Variants in SLC9C2 observed in about 807,000 individuals in gnomAD.
The protein encoded by SLC9C2 is solute carrier family 9 member C2 (putative), also known as sodium/hydrogen exchanger 11.
In SLC9C2, 75 loss-of-function variants were observed where a neutral mutation model predicts 140.2. The ratio of observed to expected loss-of-function variants is 0.53; its 90% CI spans 0.44 to 0.65. The LOEUF is 0.65. Among genes scored for constraint, SLC9C2 ranks in the 30% least tolerant of loss-of-function variants. The pLI, the probability that SLC9C2 is intolerant of heterozygous loss-of-function variation, is 0.00. For missense variants in SLC9C2, 1,074 were observed against 1,331.8 expected (o/e 0.81, Z 3.01); for synonymous variants, 375 against 420.9 (o/e 0.89, Z 1.34).
chr1:173,573,866 T>G (rs1664993953), intron 8 of SLC9C2, among the ~76,000 whole-genome samples: 1 of 152,244 alleles, frequency 6.6e-6, no homozygotes, highest in Non-Finnish European at 1.5e-5. Flanking sequence ...TAATCCCATG[T>G]TGTCCATGAA....
intron 23 of SLC9C2, among the ~76,000 whole-genome samples, chr1:173,511,945 G>C (rs192955977): frequency 6.6e-6 from 1 of 152,038 alleles, no homozygotes; most frequent in Non-Finnish European, 1.5e-5. Flanking sequence ...CAGGTTTGTC[G>C]AAGATGAGGT....
chr1:173,600,023 G>A, intron 3 of SLC9C2, 94 bp downstream of exon 3: 1 of 780,754 alleles, frequency 1.3e-6, no homozygotes, highest in Non-Finnish European at 2.0e-6. Context: ...GTTCCCATAA[G>A]AAAAAACATT....
chr1:173,567,956 T>G (rs538165220), intron 9 of SLC9C2, among the ~76,000 whole-genome samples: 6 of 152,110 alleles, frequency 3.9e-5, no homozygotes, highest in African/African-American at 1.4e-4. Context: ...TAAAAAACGA[T>G]ACACTTTGAC....
intron 13 of SLC9C2, among the ~76,000 whole-genome samples, chr1:173,540,406 C>G (rs536735014): frequency 6.6e-6 from 1 of 152,166 alleles, no homozygotes; most frequent in Non-Finnish European, 1.5e-5. Flanking sequence ...AAACAGCAGA[C>G]GCTGACTAAA....
At chr1:173,533,548 G>T in intron 17 of SLC9C2, 61 bp downstream of exon 17, 1 of 1,315,318 alleles carries the variant, frequency 7.6e-7, no homozygotes, top group Non-Finnish European at 1.1e-6. Context: ...AAAGTGCTGG[G>T]ATTATAGGTG....
chr1:173,568,812 C>A (rs1209421930), intron 9 of SLC9C2, among the ~76,000 whole-genome samples: 1 of 152,008 alleles, frequency 6.6e-6, no homozygotes, highest in Non-Finnish European at 1.5e-5. Flanking sequence ...ATCTTTTAGT[C>A]TTTCTATTCA....
Position 173,534,647 on chromosome 1 carries a change from A to C in SLC9C2, c.1811T>G (p.Val604Gly). The stretch of plus-strand genomic sequence containing the variant: ...TGTATATTCAAATTCTTCAGAAAAT[A>C]CTATGTGAAATATAAAAGTCAGAAA... ...NTFLTFIFHI[V>G]FSEEFEYTGQ... Residue 604 changes from valine (V) to glycine (G), a missense_variant, in exon 16 of 28, where the codon GTA becomes GGA. Transcript: ENST00000367714. 1 of 1,544,028 alleles carries C rather than the reference A, an allele frequency of 6.5e-7. No homozygotes were observed. Among genetic ancestry groups the C allele is most frequent in the East Asian group, 2.4e-5 (1 of 41,988 alleles).
At chr1:173,521,745 T>C (rs1361919355) in intron 21 of SLC9C2, among the ~76,000 whole-genome samples, 1 of 151,464 alleles carries the variant, frequency 6.6e-6, no homozygotes, top group Non-Finnish European at 1.5e-5. Context: ...AAAACTTTTT[T>C]TCAGCCCGTT....
chr1:173,554,226 T>C (rs1414244586), intron 11 of SLC9C2, among the ~76,000 whole-genome samples: 2 of 152,176 alleles, frequency 1.3e-5, no homozygotes, highest in Non-Finnish European at 2.9e-5. Context: ...CCCTTGCCCA[T>C]GTGTGTCCAT....
intron 9 of SLC9C2, among the ~76,000 whole-genome samples, chr1:173,561,988 GC>G (rs1558068794): frequency 1.6e-4 from 25 of 152,142 alleles, no homozygotes; most frequent in African/African-American, 5.8e-4. Flanking sequence ...CCAGGATCCA[GC>G]TCACAGCTAT....
At chr1:173,513,696 T>A (rs1571437565) in intron 23 of SLC9C2, among the ~76,000 whole-genome samples, 1 of 152,224 alleles carries the variant, frequency 6.6e-6, no homozygotes, top group East Asian at 1.9e-4. Context: ...TTCCGCTAGC[T>A]TTTGGATTTG....
Position 173,534,574 on chromosome 1 carries a change from C to T in SLC9C2, c.1884G>A (p.Leu628=). 1 of 1,598,270 alleles carries T rather than the reference C, an allele frequency of 6.3e-7. No individual in the cohort carries two copies. Among genetic ancestry groups the T allele is most frequent in the Non-Finnish European group, 8.5e-7 (1 of 1,173,758 alleles). ...LIYIYPMIIH[L]WPMARGLNVS... ...CATTTAAACCTCTTGCCATTGGCCA[C>T]AGATGTATTATCATAGGATAAATAT... Residue 628 remains leucine, a synonymous_variant, in exon 16 of 28, where the codon CTG becomes CTA. Transcript: ENST00000367714.
intron 13 of SLC9C2, among the ~76,000 whole-genome samples, chr1:173,538,303 T>C (rs919884777): frequency 6.6e-6 from 1 of 152,188 alleles, no homozygotes; most frequent in Admixed American, 6.5e-5. Flanking sequence ...AGAAGTTCAG[T>C]CCTGAGGCCT....
chr1:173,530,656 A>G (rs887852428), intron 17 of SLC9C2, among the ~76,000 whole-genome samples: 3 of 152,210 alleles, frequency 2.0e-5, no homozygotes, highest in African/African-American at 7.2e-5. Flanking sequence ...CAAGTTATTT[A>G]GTGACTTTGA....
At chr1:173,526,377 C>CAG (rs1661198283) in intron 19 of SLC9C2, among the ~76,000 whole-genome samples, 1 of 152,336 alleles carries the variant, frequency 6.6e-6, no homozygotes, top group Non-Finnish European at 1.5e-5. Context: ...TTTCCACACT[C>CAG]CTCTCATTCT....
chr1:173,552,823 G>A (rs1663410359), intron 11 of SLC9C2, among the ~76,000 whole-genome samples: 2 of 152,186 alleles, frequency 1.3e-5, no homozygotes, highest in Admixed American at 6.5e-5. Flanking sequence ...TGCAGCCCAA[G>A]TATCAAGGAG....
intron 8 of SLC9C2, among the ~76,000 whole-genome samples, chr1:173,574,296 G>A (rs567496554): frequency 3.3e-5 from 5 of 152,202 alleles, no homozygotes; most frequent in Admixed American, 1.3e-4. Flanking sequence ...AGGAAGCCTC[G>A]TTTTAGCTGC....
intron 7 of SLC9C2, among the ~76,000 whole-genome samples, chr1:173,581,624 G>C (rs1425123577): frequency 1.3e-5 from 2 of 152,054 alleles, no homozygotes; most frequent in African/African-American, 4.8e-5. Context: ...AAGAACAAGA[G>C]AGTAACCACA....
chr1:173,595,462 C>T (rs1666393108), intron 4 of SLC9C2, among the ~76,000 whole-genome samples: 3 of 152,092 alleles, frequency 2.0e-5, no homozygotes, highest in Admixed American at 2.0e-4. Flanking sequence ...TTTTTATTGG[C>T]CAAACTATCT....
Sources: gnomAD v4.1 joint callset for allele counts (sites outside exome capture counted in the v4.1 genomes callset) on GRCh38, gnomAD v4.1.1 for gene constraint, MANE v1.5 for transcripts, NCBI Gene and HGNC (gene_info 2026-07-23, HGNC 2026-07-21) for gene names.